The following TMEM243 variants were observed in gnomAD, a reference collection of about 807,000 sequenced individuals.
TMEM243 encodes transmembrane protein 243.
TMEM243 carries 20 observed loss-of-function variants against 15.0 expected under a neutral mutation model. That is an observed-to-expected ratio of 1.33 (90% CI 0.94 to 1.93). The LOEUF (loss-of-function observed/expected upper bound fraction) is 1.93. TMEM243 is among the 30% of genes most tolerant of loss of function. The pLI, the probability that TMEM243 is intolerant of heterozygous loss-of-function variation, is 0.00. For synonymous variants in TMEM243, 72 were observed against 52.7 expected, an observed-to-expected ratio of 1.37 and a Z score of -1.59; for missense variants, 156 against 142.1, an observed-to-expected ratio of 1.10 and a Z score of -0.50.
At position 87,196,685 on chromosome 7, in the gene TMEM243, A is replaced by T. The variant is rs1476405150; in HGVS notation, c.308T>A (p.Ile103Asn). ...CAGGTTTGCACATATACACAACATG[A>T]TGATAGAAAATATGATATAGTAAAT... ...KLIYYIIFSI[I>N]MLCICANLYF... The change falls in exon 4 of 4, where the codon ATC becomes AAC. Residue 103 changes from isoleucine (I) to asparagine (N), a missense_variant. Physicochemically the swap from Ile to Asn is moderately radical, Grantham distance 149. Coordinates refer to ENST00000257637, the MANE Select transcript of TMEM243 (RefSeq NM_024315.4). 3 of 1,610,438 alleles carry T rather than the reference A, an allele frequency of 1.9e-6. 1 individual carries two copies. The South Asian group carries it at 3.3e-5, about 18-fold the overall frequency.
intron 3 of TMEM243, chr7:87,197,688 ATTT>A (rs71906317): frequency 2.4e-4 from 232 of 981,996 alleles, no homozygotes; most frequent in East Asian, 1.6e-3. Flanking sequence ...CTTTCCACTA[ATTT>A]TTTTTTTTTT....
intron 1 of TMEM243, among the ~76,000 whole-genome samples, chr7:87,207,650 C>A (rs1166360829): frequency 1.3e-5 from 2 of 152,190 alleles, no homozygotes; most frequent in African/African-American, 4.8e-5. Flanking sequence ...GAAGACATTC[C>A]CTACTACATT....
intron 1 of TMEM243, among the ~76,000 whole-genome samples, chr7:87,213,956 A>G (rs1374438154): frequency 2.0e-5 from 3 of 152,152 alleles, no homozygotes; most frequent in African/African-American, 7.2e-5. Context: ...TTGACTTTAT[A>G]TATCACATCC....
rs374735589 is a variant in TMEM243 at position 87,198,065 on chromosome 7, G to T, written c.130-20C>A. Reference sequence around the variant, plus strand: ...CGTTACCTGTATGAAGAGAAATTATGTAAGGCCTTAACAGTAATTCCAAGA... The same window carrying T: ...CGTTACCTGTATGAAGAGAAATTATTTAAGGCCTTAACAGTAATTCCAAGA... On this transcript the variant is annotated intron_variant, in intron 2 of 3. Coordinates refer to ENST00000257637, the MANE Select transcript of TMEM243 (RefSeq NM_024315.4). The T allele has an allele frequency of 9.1e-5, 146 of 1,600,010 alleles. No homozygotes were observed. The highest frequency in any genetic ancestry group is 1.2e-4 in the Non-Finnish European group (141 of 1,169,290).
At chr7:87,219,296 G>T in intron 1 of TMEM243, 130 bp downstream of exon 1, 1 of 802,620 alleles carries the variant, frequency 1.2e-6, no homozygotes, top group Non-Finnish European at 2.1e-6. Context: ...AGAGGGAAGT[G>T]GGATTGCAGA....
At chr7:87,197,808 C>A in intron 3 of TMEM243, 133 bp downstream of exon 3, 1 of 1,468,110 alleles carries the variant, frequency 6.8e-7, no homozygotes, top group East Asian at 3.0e-5. Flanking sequence ...AGAATTCTAA[C>A]ATACTTTTAG....
chr7:87,218,851 G>A (rs1412435095), intron 1 of TMEM243: 2 of 152,652 alleles, frequency 1.3e-5, no homozygotes, highest in African/African-American at 4.8e-5. Context: ...TTTTTAAAAG[G>A]TGTTAAACAT....
intron 1 of TMEM243, among the ~76,000 whole-genome samples, chr7:87,204,509 G>A (rs1291245120): frequency 5.9e-5 from 9 of 151,724 alleles, no homozygotes; most frequent in Non-Finnish European, 1.0e-4. Context: ...TGGGGGTACG[G>A]GCATTGAGTA....
chr7:87,212,510 T>C (rs1802823868), intron 1 of TMEM243, among the ~76,000 whole-genome samples: 1 of 152,200 alleles, frequency 6.6e-6, no homozygotes, highest in South Asian at 2.1e-4. Context: ...GAAAACTCAG[T>C]AGACCATCAG....
chr7:87,201,413 ATG>A (rs1241717853), intron 1 of TMEM243, among the ~76,000 whole-genome samples: 2 of 152,242 alleles, frequency 1.3e-5, no homozygotes, highest in Non-Finnish European at 2.9e-5. Context: ...CTGGTAATTT[ATG>A]TGCACATTTA....
At chr7:87,215,242 G>C (rs1235302285) in intron 1 of TMEM243, among the ~76,000 whole-genome samples, 1 of 152,120 alleles carries the variant, frequency 6.6e-6, no homozygotes, top group Non-Finnish European at 1.5e-5. Context: ...CTGCAGCTGG[G>C]ACCACAGGTG....
chr7:87,209,722 G>GAGAGCGAGACACAGTGAGAGCGAGACAC (rs1562885247), intron 1 of TMEM243, among the ~76,000 whole-genome samples: 9 of 138,184 alleles, frequency 6.5e-5, no homozygotes, highest in East Asian at 4.6e-4. Context: ...GAGACACAGT[G>GAGAGCGAGACACAGTGAGAGCGAGACAC]AGAGCGAGAC....
chr7:87,205,604 CTT>C (rs1485814569), intron 1 of TMEM243, among the ~76,000 whole-genome samples: 1 of 152,188 alleles, frequency 6.6e-6, no homozygotes, highest in African/African-American at 2.4e-5. Context: ...CCACCAGTCT[CTT>C]TGCTAAAACA....
At chr7:87,208,539 C>T (rs1802389587) in intron 1 of TMEM243, among the ~76,000 whole-genome samples, 1 of 152,202 alleles carries the variant, frequency 6.6e-6, no homozygotes, top group African/African-American at 2.4e-5. Context: ...ACCCCCAAAC[C>T]TCCAACCACT....
chr7:87,197,955 T>TA lies in TMEM243; in HGVS notation c.219dup (p.Thr74TyrfsTer19). 5 of 1,613,106 alleles carry TA rather than the reference T, an allele frequency of 3.1e-6. No homozygotes were observed. The highest frequency in any genetic ancestry group is 4.2e-6 in the Non-Finnish European group (5 of 1,179,380). On this transcript the variant is annotated frameshift_variant, in exon 3 of 4. Coordinates refer to ENST00000257637, the MANE Select transcript of TMEM243 (RefSeq NM_024315.4). LOFTEE classifies it high-confidence loss of function. ...ACAGTACTTACAAGTATGCAGGCAG[T>TA]AATACTACTCAAAGAGATGCAGACA...
intron 1 of TMEM243, among the ~76,000 whole-genome samples, chr7:87,200,757 T>G (rs1373725746): frequency 6.6e-6 from 1 of 152,148 alleles, no homozygotes; most frequent in Non-Finnish European, 1.5e-5. Flanking sequence ...TTTCCCAAGA[T>G]CTCAATACCA....
At chr7:87,205,191 TCCTCCTAGGCCTCTAGG>T in intron 1 of TMEM243, among the ~76,000 whole-genome samples, 1 of 152,312 alleles carries the variant, frequency 6.6e-6, no homozygotes, top group South Asian at 2.1e-4. Flanking sequence ...AACCATTTTA[TCCTCCTAGGCCTCTAGG>T]CCTGTGATGG....
intron 3 of TMEM243, among the ~76,000 whole-genome samples, chr7:87,197,128 A>G (rs920849903): frequency 6.6e-6 from 1 of 152,042 alleles, no homozygotes; most frequent in African/African-American, 2.4e-5. Flanking sequence ...GGCTTCCATA[A>G]TATATTTGGA....
chr7:87,203,968 C>A (rs920894707), intron 1 of TMEM243, among the ~76,000 whole-genome samples: 1 of 152,150 alleles, frequency 6.6e-6, no homozygotes, highest in Non-Finnish European at 1.5e-5. Flanking sequence ...TTCCACACTG[C>A]TGATAAAGAC....
Sources: allele counts gnomAD v4.1 joint callset (sites outside exome capture counted in the v4.1 genomes callset), GRCh38; gene constraint gnomAD v4.1.1; transcripts MANE v1.5; gene names NCBI Gene and HGNC (gene_info 2026-07-23, HGNC 2026-07-21).